ITPR1: variants seen among roughly 807,000 people sequenced by gnomAD.
ITPR1 encodes the protein inositol 1,4,5-trisphosphate-gated calcium channel ITPR1.
Under a neutral mutation model 318.4 loss-of-function variants are expected in ITPR1, and 96 were observed. The observed-to-expected ratio is 0.30, with a 90% CI of 0.26 to 0.36. ITPR1 has a LOEUF of 0.36. Among genes scored for constraint, ITPR1 ranks in the 10% least tolerant of loss-of-function variants. The probability of loss-of-function intolerance (pLI) is 1.00; values close to 1 mark genes in which losing one functional copy is unlikely to be tolerated. For synonymous variants in ITPR1, 1,312 were observed against 1,289.9 expected, an observed-to-expected ratio of 1.02 and a Z score of -0.37; for missense variants, 2,440 against 3,460.2, an observed-to-expected ratio of 0.71 and a Z score of 7.40.
chr3:4,733,272 A>T lies in ITPR1; in HGVS notation c.5353+52A>T, dbSNP rs1249514827. 2.5e-6 allele frequency: 4 copies of T among 1,594,536 alleles called. No individual in the cohort carries two copies. In the African/African-American group the frequency reaches 4.0e-5, roughly 16 times the overall value. The stretch of plus-strand genomic sequence containing the variant: ...GTGTGTGAATCAAGTGTGTTCTGTG[A>T]TAGCTGCATGTTTCCTCCTAACAGG... On this transcript the variant is annotated intron_variant, in intron 43 of 61. Transcript: ENST00000649015.
chr3:4,561,539 C>G (rs918502845), intron 4 of ITPR1, among the ~76,000 whole-genome samples: 1 of 152,084 alleles, frequency 6.6e-6, no homozygotes, highest in Non-Finnish European at 1.5e-5. Flanking sequence ...TAGGTTCAAA[C>G]TTACTTTTTT....
At chr3:4,837,075 C>G in intron 61 of ITPR1, 140 bp downstream of exon 61, 1 of 625,372 alleles carries the variant, frequency 1.6e-6, no homozygotes, top group Non-Finnish European at 2.5e-6. Flanking sequence ...GGGACAAACC[C>G]ACTCACTCCT....
At chr3:4,525,839 T>C (rs996712599) in intron 4 of ITPR1, among the ~76,000 whole-genome samples, 1 of 152,192 alleles carries the variant, frequency 6.6e-6, no homozygotes. Context: ...TTCCCACTTT[T>C]ACCAGTCCCT....
chr3:4,738,472 G>A (rs779554827), intron 44 of ITPR1, among the ~76,000 whole-genome samples: 10 of 152,190 alleles, frequency 6.6e-5, no homozygotes, highest in Non-Finnish European at 1.3e-4. Flanking sequence ...CTGATTAGAC[G>A]TGGAAGAGAA....
rs369649805 is a variant in ITPR1 at position 4,683,565 on chromosome 3, C to A, written c.3327+14C>A. On this transcript the variant is annotated intron_variant, in intron 27 of 61. Coordinates refer to ENST00000649015, the MANE Select transcript of ITPR1 (RefSeq NM_001378452.1). ...GCCTTCAAACAGGTAGCTCAGGTCA[C>A]CCACGTGTGTGTTGTCTGTCCAAGA... 1.0e-4 allele frequency: 162 copies of A among 1,613,682 alleles called. No homozygotes were observed. The African/African-American group carries it at 1.8e-3, about 18-fold the overall frequency.
intron 40 of ITPR1, among the ~76,000 whole-genome samples, chr3:4,718,703 G>A (rs780460790): frequency 2.6e-5 from 4 of 152,190 alleles, no homozygotes; most frequent in Non-Finnish European, 4.4e-5. Context: ...ACGGGAGCAG[G>A]TGAGAGGGCC....
chr3:4,791,013 C>A (rs890341019), intron 52 of ITPR1, among the ~76,000 whole-genome samples: 1 of 152,194 alleles, frequency 6.6e-6, no homozygotes, highest in Non-Finnish European at 1.5e-5. Flanking sequence ...GTTGAATGTG[C>A]TGACACTTTC....
intron 40 of ITPR1, among the ~76,000 whole-genome samples, 170 bp from the exon 41 acceptor site, chr3:4,725,376 A>G (rs2042436756): frequency 6.6e-6 from 1 of 152,052 alleles, no homozygotes; most frequent in Non-Finnish European, 1.5e-5. Context: ...ATTTGAAGGT[A>G]TCTGGTCACC....
intron 4 of ITPR1, among the ~76,000 whole-genome samples, chr3:4,560,966 G>A (rs1279795034): frequency 6.6e-6 from 1 of 152,188 alleles, no homozygotes; most frequent in Non-Finnish European, 1.5e-5. Flanking sequence ...TTGATTTCAA[G>A]ATGGCCTTTT....
chr3:4,712,526 T>A (rs1262862618), intron 39 of ITPR1, among the ~76,000 whole-genome samples: 1 of 152,244 alleles, frequency 6.6e-6, no homozygotes, highest in Non-Finnish European at 1.5e-5. Context: ...TCACTCATTT[T>A]CATTTGAAGG....
chr3:4,669,311 A>G (rs1174000293), intron 18 of ITPR1, among the ~76,000 whole-genome samples: 1 of 152,238 alleles, frequency 6.6e-6, no homozygotes, highest in Non-Finnish European at 1.5e-5. Context: ...CAACACACGT[A>G]GCCAAACATC....
chr3:4,630,352 C>T (rs1037836936), intron 5 of ITPR1, among the ~76,000 whole-genome samples: 4 of 151,858 alleles, frequency 2.6e-5, no homozygotes, highest in Non-Finnish European at 5.9e-5. Flanking sequence ...GTGCCATAAT[C>T]CCAAATGTTG....
At chr3:4,697,105 C>CA in intron 33 of ITPR1, 42 bp from the exon 34 acceptor site, 1 of 1,601,376 alleles carries the variant, frequency 6.2e-7, no homozygotes, top group African/African-American at 1.3e-5. Flanking sequence ...GTTCCATACA[C>CA]ACCAAGATGG....
chr3:4,530,004 A>G (rs891557912), intron 4 of ITPR1, among the ~76,000 whole-genome samples: 1 of 152,160 alleles, frequency 6.6e-6, no homozygotes, highest in African/African-American at 2.4e-5. Flanking sequence ...TCCTCTTAAC[A>G]GCTACTCTAA....
chr3:4,673,847 G>T (rs1335978451), intron 21 of ITPR1, among the ~76,000 whole-genome samples: 1 of 152,194 alleles, frequency 6.6e-6, no homozygotes, highest in African/African-American at 2.4e-5. Flanking sequence ...CTCCCAAAGT[G>T]CTGGGATTAC....
chr3:4,646,812 G>T (rs1026480456), intron 10 of ITPR1, among the ~76,000 whole-genome samples: 28 of 152,218 alleles, frequency 1.8e-4, no homozygotes, highest in African/African-American at 6.5e-4. Flanking sequence ...ATTGCAGCAT[G>T]AATTAGAATT....
intron 47 of ITPR1, among the ~76,000 whole-genome samples, chr3:4,776,093 T>G (rs554461307): frequency 1.1e-4 from 16 of 152,340 alleles, no homozygotes; most frequent in African/African-American, 3.8e-4. Context: ...TTTGTTTGTT[T>G]TTGGAGACGG....
chr3:4,599,189 A>G lies in ITPR1; in HGVS notation c.164-28574A>G, dbSNP rs181637659. On this transcript the variant is annotated intron_variant, in intron 4 of 61. Transcript: ENST00000649015. ...TTATTGTTAGTCCCGGTTTGCTGAT[A>G]TGGATATGGGATCTCAGAGAGGTTG... Among the ~76,000 whole-genome samples the G allele has an allele frequency of 7.2e-5, 11 of 152,280 alleles. No homozygotes were observed. The East Asian group carries it at 1.2e-3, about 16-fold the overall frequency.
chr3:4,759,951 T>A (rs969879670), intron 44 of ITPR1, among the ~76,000 whole-genome samples: 1 of 152,164 alleles, frequency 6.6e-6, no homozygotes, highest in Admixed American at 6.5e-5. Context: ...TGCCCTGGCC[T>A]TTTCCTTAAA....
Sources: allele counts gnomAD v4.1 joint callset (sites outside exome capture counted in the v4.1 genomes callset), GRCh38; gene constraint gnomAD v4.1.1; transcripts MANE v1.5; gene names NCBI Gene and HGNC (gene_info 2026-07-23, HGNC 2026-07-21).